The following ELFN2 variants were observed in gnomAD, a reference collection of about 807,000 sequenced individuals.
The protein encoded by ELFN2 is extracellular leucine rich repeat and fibronectin type III domain containing 2.
Under a neutral mutation model 45.5 loss-of-function variants are expected in ELFN2, and 17 were observed. The observed-to-expected ratio is 0.37, with a 90% confidence interval of 0.26 to 0.56. The LOEUF is 0.56. Among genes scored for constraint, ELFN2 ranks in the 20% least tolerant of loss-of-function variants. The probability of loss-of-function intolerance (pLI) is 0.77; values close to 1 mark genes in which losing one functional copy is unlikely to be tolerated. For missense variants in ELFN2, 922 were observed against 1,183.2 expected (o/e 0.78, Z 3.24); for synonymous variants, 550 against 551.5 (o/e 1.00, Z 0.04).
chr22:37,379,320 G>A (rs1453762435), intron 2 of ELFN2, among the ~76,000 whole-genome samples: 2 of 152,150 alleles, frequency 1.3e-5, no homozygotes, highest in Admixed American at 1.3e-4. Flanking sequence ...GACCAGCCCA[G>A]AGGGAGAGGG....
chr22:37,343,187 G>T (rs1338530160), intron 1 of ELFN2, among the ~76,000 whole-genome samples: 3 of 152,158 alleles, frequency 2.0e-5, no homozygotes, highest in Non-Finnish European at 4.4e-5. Context: ...TCAACTGCAG[G>T]CTCCTGAACC....
At chr22:37,376,431 A>G (rs1275411845) in intron 2 of ELFN2, among the ~76,000 whole-genome samples, 4 of 151,938 alleles carry the variant, frequency 2.6e-5, no homozygotes, top group Non-Finnish European at 5.9e-5. Flanking sequence ...GCACACCTAC[A>G]ATCTGCACAC....
At chr22:37,342,287 C>T (rs1930576367) in intron 2 of ELFN2, among the ~76,000 whole-genome samples, 1 of 152,206 alleles carries the variant, frequency 6.6e-6, no homozygotes, top group Non-Finnish European at 1.5e-5. Flanking sequence ...TCCTCCCCAG[C>T]ATTTCAGCCC....
At chr22:37,362,980 C>A (rs368026577), downstream of ELFN2, among the ~76,000 whole-genome samples, 4 of 152,174 alleles carry the variant, frequency 2.6e-5, no homozygotes, top group Non-Finnish European at 5.9e-5. Flanking sequence ...CAAGGGGTAC[C>A]CCTGCAGCTG....
chr22:37,425,222 G>A (rs1252451760), intron 1 of ELFN2, among the ~76,000 whole-genome samples: 1 of 152,198 alleles, frequency 6.6e-6, no homozygotes, highest in Non-Finnish European at 1.5e-5. Context: ...GGACTGGGGA[G>A]GTCAGATAGG....
rs769309777 is a variant in ELFN2, at chr22:37,375,505, C to T, written c.30G>A (p.Ala10=). 30 of 1,570,474 alleles carry T rather than the reference C, an allele frequency of 1.9e-5. No homozygotes were observed. In the East Asian group the frequency reaches 5.0e-4, roughly 26 times the overall value. The change falls in exon 3 of 3, where the codon GCG becomes GCA. Residue 10 remains alanine, a synonymous_variant. Transcript: ENST00000402918. The part of the protein sequence containing the change: MLRLGLCAA[A]LLCVCRPGAV... ...CACCCGGCCGGCACACGCACAGCAG[C>T]GCCGCCGCGCACAGCCCCAGGCGCA... is the stretch of plus-strand genomic sequence containing the variant.
At chr22:37,394,562 C>T (rs75250180) in intron 2 of ELFN2, among the ~76,000 whole-genome samples, 6,162 of 152,262 alleles carry the variant, frequency 0.04, 171 homozygotes, top group South Asian at 0.062. Flanking sequence ...GTCAGGGGGC[C>T]GCAGTGGCCA....
At chr22:37,409,247 C>T (rs1016186710) in intron 2 of ELFN2, among the ~76,000 whole-genome samples, 3 of 152,292 alleles carry the variant, frequency 2.0e-5, no homozygotes, top group Non-Finnish European at 4.4e-5. Context: ...CCGGAAGGCC[C>T]GGGCACTCCT....
rs1244628718 is a variant in ELFN2, at chr22:37,373,026, G to T, written c.*46C>A. The T allele has an allele frequency of 5.9e-6, 9 of 1,534,754 alleles. No homozygotes were observed. Among genetic ancestry groups the T allele is most frequent in the Non-Finnish European group, 7.9e-6 (9 of 1,140,506 alleles). On this transcript the variant is annotated 3_prime_UTR_variant, in exon 3 of 3. Coordinates refer to ENST00000402918, the MANE Select transcript of ELFN2 (RefSeq NM_052906.5). ...GCCGCCTGGACCCTTCCCCCAAAAG[G>T]CCCCCAGCCCTCTGGCTCCGACCTC...
In ELFN2 at chr22:37,374,979, G is replaced by A. The variant is rs748525301; in HGVS notation, c.556C>T (p.Pro186Ser). ...AAGAGGTCGCACTCACAGTTGAAGG[G>A]GTTGCCGGCCAGCTCACACACCATC... ...SLMVCELAGN[P>S]FNCECDLFGF... Residue 186 changes from proline to serine, a missense_variant, in exon 3 of 3, where the codon CCC becomes TCC. Coordinates refer to ENST00000402918, the MANE Select transcript of ELFN2 (RefSeq NM_052906.5). 1.9e-6 allele frequency: 3 copies of A among 1,613,156 alleles called. No individual in the cohort carries two copies. Among genetic ancestry groups the A allele is most frequent in the South Asian group, 1.1e-5 (1 of 91,076 alleles).
chr22:37,375,012 C>T lies in ELFN2; in HGVS notation c.523G>A (p.Ala175Thr), dbSNP rs137877276. The T allele has an allele frequency of 1.2e-5, 19 of 1,613,302 alleles. No homozygotes were observed. The highest frequency in any genetic ancestry group is 1.6e-4 in the Middle Eastern group (1 of 6,084). ...GCCAGCTCACACACCATCAGGCTGG[C>T]GAGGCTGGCAAAGGTGGCACCGTCC... ...RLDGATFASL[A>T]SLMVCELAGN... Residue 175 changes from alanine to threonine, a missense_variant, in exon 3 of 3, where the codon GCC becomes ACC. Ala to Thr is a moderately conservative substitution (Grantham distance 58). Coordinates refer to ENST00000402918, the MANE Select transcript of ELFN2 (RefSeq NM_052906.5).
downstream of ELFN2, among the ~76,000 whole-genome samples, chr22:37,363,455 C>A (rs1931132737): frequency 6.6e-6 from 1 of 152,086 alleles, no homozygotes; most frequent in African/African-American, 2.4e-5. Flanking sequence ...CTCCTTCACA[C>A]GTGACCTTGC....
At chr22:37,418,257 G>C (rs1932781327) in intron 1 of ELFN2, among the ~76,000 whole-genome samples, 1 of 151,972 alleles carries the variant, frequency 6.6e-6, no homozygotes, top group African/African-American at 2.4e-5. Context: ...ATGGGGCAGG[G>C]AGAGGAGAAG....
chr22:37,426,710 C>T (rs1158568297), intron 1 of ELFN2, among the ~76,000 whole-genome samples: 5 of 152,032 alleles, frequency 3.3e-5, no homozygotes, highest in Admixed American at 2.0e-4. Context: ...GCAGTGTCTG[C>T]GATTTATGCC....
Position 37,375,320 on chromosome 22 carries a change from T to G in ELFN2, c.215A>C (p.Tyr72Ser). 6.2e-7 allele frequency: 1 copy of G among 1,613,618 alleles called. No individual in the cohort carries two copies. The highest frequency in any genetic ancestry group is 1.1e-5 in the South Asian group (1 of 91,042). ...GTTCCCAAAGCGGTTGAGCGAGGAG[T>G]AGAGCACGGCTTTGAGCTTGTTCTC... ...LNENKLKAVLYSSLNRFGNLT... is the reference protein window; with the variant it reads ...LNENKLKAVLSSSLNRFGNLT... The change falls in exon 3 of 3, where the codon TAC becomes TCC. Residue 72 changes from tyrosine to serine, a missense_variant. By Grantham distance (144) the Tyr-to-Ser change is moderately radical. Transcript: ENST00000402918.
At chr22:37,390,718 G>T (rs1426245657) in intron 2 of ELFN2, among the ~76,000 whole-genome samples, 1 of 152,180 alleles carries the variant, frequency 6.6e-6, no homozygotes, top group Non-Finnish European at 1.5e-5. Flanking sequence ...CAAGACAGAG[G>T]TTCTAACCCC....
At chr22:37,350,367 G>T (rs551499976) in intron 1 of ELFN2, among the ~76,000 whole-genome samples, 1 of 149,566 alleles carries the variant, frequency 6.7e-6, no homozygotes, top group South Asian at 2.1e-4. Flanking sequence ...CCTCTGGTAC[G>T]CAGTGTGCAG....
chr22:37,376,370 C>T (rs1197152474), intron 2 of ELFN2, among the ~76,000 whole-genome samples: 1 of 151,328 alleles, frequency 6.6e-6, no homozygotes, highest in African/African-American at 2.4e-5. Context: ...CCCACATGAG[C>T]CAGACCTCCA....
At chr22:37,391,915 C>T (rs1055659258) in intron 2 of ELFN2, among the ~76,000 whole-genome samples, 12 of 152,202 alleles carry the variant, frequency 7.9e-5, no homozygotes, top group African/African-American at 2.7e-4. Context: ...AACTGGCCCT[C>T]GCGTGGCTGG....
Sources: allele counts gnomAD v4.1 joint callset (sites outside exome capture counted in the v4.1 genomes callset), GRCh38; gene constraint gnomAD v4.1.1; transcripts MANE v1.5; gene names NCBI Gene and HGNC (gene_info 2026-07-23, HGNC 2026-07-21).